ZSWIM6: variants seen among roughly 807,000 people sequenced by gnomAD.
The protein encoded by ZSWIM6 is zinc finger SWIM-type containing 6.
Under a neutral mutation model 113.2 loss-of-function variants are expected in ZSWIM6, and 9 were observed. That is an observed-to-expected ratio of 0.08 (90% CI 0.05 to 0.14). The LOEUF is 0.14. Among genes scored for constraint, ZSWIM6 ranks in the 10% least tolerant of loss-of-function variants. The pLI is 1.00. For missense variants in ZSWIM6, 1,162 were observed against 1,552.2 expected, an observed-to-expected ratio of 0.75 and a Z score of 4.22; for synonymous variants, 611 against 606.5, an observed-to-expected ratio of 1.01 and a Z score of -0.11.
At chr5:61,427,158 C>T (rs1008925201) in intron 1 of ZSWIM6, among the ~76,000 whole-genome samples, 1 of 152,154 alleles carries the variant, frequency 6.6e-6, no homozygotes, top group African/African-American at 2.4e-5. Context: ...AAATAGCCTA[C>T]ATTTTAAAGT....
chr5:61,462,101 G>T (rs531160775), intron 1 of ZSWIM6, among the ~76,000 whole-genome samples: 2 of 152,294 alleles, frequency 1.3e-5, no homozygotes, highest in South Asian at 4.2e-4. Flanking sequence ...ATTCTTTGAG[G>T]AGAGCTGGAG....
chr5:61,510,704 C>T (rs1032616196), intron 4 of ZSWIM6, among the ~76,000 whole-genome samples: 2 of 152,054 alleles, frequency 1.3e-5, no homozygotes, highest in East Asian at 3.9e-4. Flanking sequence ...TGATAATAGC[C>T]TTTATGTGCT....
chr5:61,348,741 A>G (rs879848276), intron 1 of ZSWIM6, among the ~76,000 whole-genome samples: 2 of 152,182 alleles, frequency 1.3e-5, no homozygotes, highest in Non-Finnish European at 2.9e-5. Context: ...TAATAATCCT[A>G]AAACATTCTA....
intron 1 of ZSWIM6, among the ~76,000 whole-genome samples, chr5:61,434,060 TATA>T (rs10615806): frequency 0.15 from 22,447 of 146,420 alleles, 1,797 homozygotes; most frequent in Middle Eastern, 0.18. Flanking sequence ...AATAAAAACA[TATA>T]ATAAAATATA....
chr5:61,392,181 A>T (rs1745731837), intron 1 of ZSWIM6, among the ~76,000 whole-genome samples: 1 of 152,198 alleles, frequency 6.6e-6, no homozygotes, highest in Non-Finnish European at 1.5e-5. Flanking sequence ...AGTGTTGATG[A>T]ATTTGCAGTG....
chr5:61,483,425 T>C (rs576712872), intron 2 of ZSWIM6, among the ~76,000 whole-genome samples: 2 of 152,336 alleles, frequency 1.3e-5, no homozygotes, highest in Admixed American at 1.3e-4. Context: ...GAACAAGTAT[T>C]CAAATTTTCT....
At chr5:61,346,677 T>C (rs1357820625) in intron 1 of ZSWIM6, among the ~76,000 whole-genome samples, 1 of 152,198 alleles carries the variant, frequency 6.6e-6, no homozygotes, top group Non-Finnish European at 1.5e-5. Flanking sequence ...TGTTTAGAGT[T>C]TTTATAAGCA....
Position 61,521,412 on chromosome 5 carries a change from G to C in ZSWIM6, c.1483G>C (p.Ala495Pro), listed in dbSNP as rs1466462272. Residue 495 changes from alanine to proline, a missense_variant, in exon 5 of 14, where the codon GCT (alanine) becomes CCT (proline). By Grantham distance (27) the Ala-to-Pro change is conservative (BLOSUM62 -1). This residue lies in a region of ZSWIM6 where 620 missense variants were observed against 804.6 expected (regional missense o/e 0.77). Transcript: ENST00000252744. ...HGSELPNLTN[A>P]LPQGANANQD... ...CAGTGAATTACCCAACTTAACCAAT[G>C]CTCTGCCTCAGGGTGCAAATGCCAA... The C allele has an allele frequency of 3.4e-5, 51 of 1,520,724 alleles. No individual in the cohort carries two copies. The highest frequency in any genetic ancestry group is 4.5e-5 in the Non-Finnish European group (51 of 1,132,154). 94.2% of individuals were successfully genotyped at this position (1,520,724 alleles called of 1,614,324 possible).
intron 1 of ZSWIM6, among the ~76,000 whole-genome samples, chr5:61,418,362 G>A (rs927027720): frequency 2.9e-4 from 44 of 152,016 alleles, no homozygotes; most frequent in Non-Finnish European, 5.7e-4. Flanking sequence ...CCGCTTCCCG[G>A]GTTCAAGTGA....
intron 1 of ZSWIM6, among the ~76,000 whole-genome samples, chr5:61,402,014 C>G (rs755138077): frequency 1.3e-5 from 2 of 151,362 alleles, no homozygotes; most frequent in African/African-American, 2.4e-5. Context: ...TTTTTTTTCA[C>G]CCTAGCTCCA....
intron 9 of ZSWIM6, among the ~76,000 whole-genome samples, chr5:61,532,297 G>A (rs1749459116): frequency 6.6e-6 from 1 of 152,156 alleles, no homozygotes; most frequent in Admixed American, 6.5e-5. Context: ...CTGAGGCACG[G>A]TCTAATTTCC....
intron 1 of ZSWIM6, among the ~76,000 whole-genome samples, chr5:61,368,599 CT>C (rs1263680137): frequency 6.6e-6 from 1 of 152,116 alleles, no homozygotes; most frequent in African/African-American, 2.4e-5. Flanking sequence ...CAGTAGGAGG[CT>C]TACCTTTTAA....
intron 9 of ZSWIM6, among the ~76,000 whole-genome samples, chr5:61,531,971 A>G (rs1014371903): frequency 1.3e-5 from 2 of 152,232 alleles, no homozygotes; most frequent in Non-Finnish European, 2.9e-5. Context: ...AAACAGCTGC[A>G]TTTAATGCCT....
chr5:61,413,433 T>G (rs1276173536), intron 1 of ZSWIM6, among the ~76,000 whole-genome samples: 1 of 152,134 alleles, frequency 6.6e-6, no homozygotes, highest in Non-Finnish European at 1.5e-5. Context: ...TGTTGGACAT[T>G]TGGCTTGGTT....
chr5:61,485,966 T>C (rs985370428), intron 2 of ZSWIM6, among the ~76,000 whole-genome samples: 1 of 152,212 alleles, frequency 6.6e-6, no homozygotes, highest in Non-Finnish European at 1.5e-5. Flanking sequence ...ATTTTGTTTA[T>C]TATCATTTTT....
At chr5:61,416,872 C>A (rs1411636123) in intron 1 of ZSWIM6, among the ~76,000 whole-genome samples, 1 of 152,236 alleles carries the variant, frequency 6.6e-6, no homozygotes, top group Non-Finnish European at 1.5e-5. Flanking sequence ...ACAGTGGCTA[C>A]GCCTGTAATC....
At chr5:61,482,801 CTTAAG>C (rs940680845) in intron 2 of ZSWIM6, among the ~76,000 whole-genome samples, 3 of 152,032 alleles carry the variant, frequency 2.0e-5, no homozygotes, top group African/African-American at 7.2e-5. Flanking sequence ...GCCCGAAGAG[CTTAAG>C]TTATTTGCTG....
chr5:61,521,558 A>T, intron 5 of ZSWIM6, 116 bp downstream of exon 5: 1 of 742,888 alleles, frequency 1.3e-6, no homozygotes, highest in Non-Finnish European at 1.9e-6. Context: ...AGAACTTACA[A>T]CTCCAGTACT....
At position 61,490,917 on chromosome 5, in the gene ZSWIM6, A is replaced by C. The variant is rs1298020865; in HGVS notation, c.1165A>C (p.Asn389His). Residue 389 changes from asparagine to histidine, a missense_variant, in exon 3 of 14, where the codon AAT becomes CAT. Physicochemically the swap from Asn to His is moderately conservative, Grantham distance 68 (BLOSUM62 1). Coordinates refer to ENST00000252744, the MANE Select transcript of ZSWIM6 (RefSeq NM_020928.2). Reference sequence around the variant, plus strand: ...GTACCACGGATCAGGGAAGCAGCTTAATTTGCTCTTTGCAAAGGTATGATT... The same window carrying C: ...GTACCACGGATCAGGGAAGCAGCTTCATTTGCTCTTTGCAAAGGTATGATT... ...GGYHGSGKQL[N>H]LLFAKVREML... is the part of the protein sequence containing the mutation. 3 of 1,536,290 alleles carry C rather than the reference A, an allele frequency of 2.0e-6. No individual in the cohort carries two copies. The highest frequency in any genetic ancestry group is 8.8e-7 in the Non-Finnish European group (1 of 1,142,464).
Sources: allele counts gnomAD v4.1 joint callset (sites outside exome capture counted in the v4.1 genomes callset), GRCh38; gene constraint gnomAD v4.1.1; regional missense constraint gnomAD v4.1.1; transcripts MANE v1.5; gene names NCBI Gene and HGNC (gene_info 2026-07-23, HGNC 2026-07-21).